Variants in TRPM6 observed in about 807,000 individuals in gnomAD.
The protein encoded by TRPM6 is transient receptor potential cation channel subfamily M member 6.
A neutral mutation model predicts 247.6 loss-of-function variants in TRPM6; 111 were observed. The ratio of observed to expected loss-of-function variants is 0.45; its 90% CI spans 0.38 to 0.52. The LOEUF (loss-of-function observed/expected upper bound fraction) is 0.52. Ranked by LOEUF, TRPM6 falls within the 20% of genes least tolerant of loss-of-function variation. TRPM6 has a pLI of 0.00. For missense variants in TRPM6, 2,126 were observed against 2,421.5 expected, an observed-to-expected ratio of 0.88 and a Z score of 2.56; for synonymous variants, 892 against 853.8, an observed-to-expected ratio of 1.04 and a Z score of -0.78.
At chr9:74,804,463 T>TA (rs1453587383) in intron 14 of TRPM6, 1 of 617,276 alleles carries the variant, frequency 1.6e-6, no homozygotes, top group East Asian at 2.9e-5. Flanking sequence ...TAAAATATGA[T>TA]AAAAACCATA....
chr9:74,852,727 G>A (rs958881697), intron 3 of TRPM6, among the ~76,000 whole-genome samples: 1 of 152,218 alleles, frequency 6.6e-6, no homozygotes, highest in Admixed American at 6.5e-5. Flanking sequence ...TCCTGACCGC[G>A]AGTGATCTGC....
chr9:74,724,359 T>A lies in TRPM6; in HGVS notation c.*254A>T. 1 of 539,642 alleles carries A rather than the reference T, an allele frequency of 1.9e-6. No homozygotes were observed. Among genetic ancestry groups the A allele is most frequent in the Middle Eastern group, 5.1e-4 (1 of 1,944 alleles). 33.4% of individuals were successfully genotyped at this position (539,642 alleles called of 1,614,324 possible). On this transcript the variant is annotated 3_prime_UTR_variant, in exon 39 of 39. Transcript: ENST00000360774. Reference sequence around the variant, plus strand: ...GCAATGAGGTACACAAGAACAATATTCCCAGCTGACTCATCCAAGCATCTT... The same window carrying A: ...GCAATGAGGTACACAAGAACAATATACCCAGCTGACTCATCCAAGCATCTT...
intron 31 of TRPM6, among the ~76,000 whole-genome samples, chr9:74,746,884 G>C (rs1826066713): frequency 6.6e-6 from 1 of 152,078 alleles, no homozygotes; most frequent in Non-Finnish European, 1.5e-5. Flanking sequence ...TAATAGCTAA[G>C]AGCAATGGGG....
intron 3 of TRPM6, among the ~76,000 whole-genome samples, chr9:74,853,911 A>G (rs1156970952): frequency 6.6e-6 from 1 of 152,256 alleles, no homozygotes; most frequent in African/African-American, 2.4e-5. Flanking sequence ...TTTGAAAAGT[A>G]AAAACAATTT....
intron 18 of TRPM6, among the ~76,000 whole-genome samples, chr9:74,795,218 AC>A (rs1828049332): frequency 6.6e-6 from 1 of 152,066 alleles, no homozygotes; most frequent in South Asian, 2.1e-4. Flanking sequence ...CTGGATGGCT[AC>A]CCTGGCCTAC....
At chr9:74,859,276 C>G (rs978538846) in intron 1 of TRPM6, among the ~76,000 whole-genome samples, 2 of 152,162 alleles carry the variant, frequency 1.3e-5, no homozygotes, top group African/African-American at 4.8e-5. Context: ...CAGCCTAGAA[C>G]TGTCCCTAAA....
rs1000946278 is a variant in TRPM6 at position 74,755,277 on chromosome 9, G to A, written c.4906+76C>T. The A allele has an allele frequency of 8.7e-6, 13 of 1,492,502 alleles. 1 individual carries two copies. In the South Asian group the frequency reaches 1.0e-4, roughly 12 times the overall value. The allele number at this position is 1,492,502 out of a possible 1,614,324, so 92.5% of individuals were successfully genotyped here. Reference sequence around the variant, plus strand: ...TCCATGTGAAAGAACAGGAGGAACCGCCAATGGTCTAAAGACCGTACCCTG... The same window carrying A: ...TCCATGTGAAAGAACAGGAGGAACCACCAATGGTCTAAAGACCGTACCCTG... On this transcript the variant is annotated intron_variant, in intron 28 of 38. Coordinates refer to ENST00000360774, the MANE Select transcript of TRPM6 (RefSeq NM_017662.5).
chr9:74,755,639 C>G (rs1826408187), intron 27 of TRPM6, among the ~76,000 whole-genome samples, 166 bp from the exon 28 acceptor site: 1 of 152,198 alleles, frequency 6.6e-6, no homozygotes. Context: ...TGGCAGGACA[C>G]AAGCATCCAT....
chr9:74,821,134 T>C (rs1829116498), intron 8 of TRPM6, among the ~76,000 whole-genome samples: 1 of 152,156 alleles, frequency 6.6e-6, no homozygotes, highest in Non-Finnish European at 1.5e-5. Context: ...ACAGTAGAAA[T>C]ATCATGCTTT....
Position 74,812,430 on chromosome 9 carries a change from C to G in TRPM6, c.1312G>C (p.Asp438His). The G allele has an allele frequency of 6.2e-7, 1 of 1,613,870 alleles. No individual in the cohort carries two copies. Among genetic ancestry groups the G allele is most frequent in the East Asian group, 2.2e-5 (1 of 44,860 alleles). ...ILIYEQHWKP[D>H]ALEQAMSDAL... ...TCTGACATTGCTTGTTCCAGGGCAT[C>G]AGGCTTCAGAAAGCACAAATAAGAA... The change falls in exon 12 of 39, where the codon GAT becomes CAT. Residue 438 changes from aspartate to histidine, a missense_variant. Transcript: ENST00000360774.
At chr9:74,741,405 A>G (rs1377454074) in intron 33 of TRPM6, among the ~76,000 whole-genome samples, 1 of 151,990 alleles carries the variant, frequency 6.6e-6, no homozygotes, top group Admixed American at 6.6e-5. Context: ...CTTGCATCTA[A>G]TTCCTCACCA....
At chr9:74,732,813 T>C in intron 36 of TRPM6, 77 bp from the exon 37 acceptor site, 2 of 1,107,448 alleles carry the variant, frequency 1.8e-6, no homozygotes, top group South Asian at 2.8e-5. Flanking sequence ...AATAATTAAA[T>C]TCTAATTTCT....
chr9:74,775,036 A>G lies in TRPM6; in HGVS notation c.3403+847T>C, dbSNP rs561657924. 3.3e-5 allele frequency among the ~76,000 whole-genome samples: 5 copies of G among 152,338 alleles called. No homozygotes were observed. In the East Asian group the frequency reaches 9.6e-4, roughly 29 times the overall value. On this transcript the variant is annotated intron_variant, in intron 24 of 38. Transcript: ENST00000360774. ...AAATGGGCCTGGTACCAATTGTGGA[A>G]CTGCTTGACAGGAACTACAGAATAA... is the stretch of plus-strand genomic sequence containing the variant.
chr9:74,846,697 T>A (rs1830120251), intron 3 of TRPM6, among the ~76,000 whole-genome samples: 1 of 151,904 alleles, frequency 6.6e-6, no homozygotes, highest in East Asian at 1.9e-4. Flanking sequence ...CAGGGGTGTG[T>A]CACCACGCCT....
intron 38 of TRPM6, among the ~76,000 whole-genome samples, chr9:74,727,610 T>A (rs75081119): frequency 0.038 from 5,816 of 152,114 alleles, 359 homozygotes; most frequent in African/African-American, 0.13. Flanking sequence ...ACATGATGCT[T>A]CCCTTCTGGG....
chr9:74,884,802 C>T (rs1291287287), intron 1 of TRPM6, among the ~76,000 whole-genome samples: 1 of 152,114 alleles, frequency 6.6e-6, no homozygotes, highest in Non-Finnish European at 1.5e-5. Context: ...CTTACATGTA[C>T]CTTTTCTTAG....
intron 28 of TRPM6, among the ~76,000 whole-genome samples, chr9:74,753,844 G>C (rs930632973): frequency 6.6e-6 from 1 of 152,062 alleles, no homozygotes; most frequent in Non-Finnish European, 1.5e-5. Context: ...GTTCAAGAAA[G>C]ACAGTGGGCC....
chr9:74,792,291 G>A (rs1564016733), intron 19 of TRPM6, among the ~76,000 whole-genome samples: 2 of 152,148 alleles, frequency 1.3e-5, no homozygotes, highest in Non-Finnish European at 2.9e-5. Flanking sequence ...TTCTTTCCGT[G>A]GAAACTTCTC....
Position 74,817,393 on chromosome 9 carries a change from T to C in TRPM6, c.1135-429A>G, listed in dbSNP as rs193164704. 5.9e-5 allele frequency among the ~76,000 whole-genome samples: 9 copies of C among 152,366 alleles called. No individual in the cohort carries two copies. In the East Asian group the frequency reaches 1.5e-3, roughly 26 times the overall value. ...TTTGTAGAGACAAGGTCTCACTATA[T>C]TGCCCAAGCTGGTCTTGAATTTCCT... On this transcript the variant is annotated intron_variant, in intron 9 of 38. Coordinates refer to ENST00000360774, the MANE Select transcript of TRPM6 (RefSeq NM_017662.5).
Sources: gnomAD v4.1 joint callset for allele counts (sites outside exome capture counted in the v4.1 genomes callset) on GRCh38, gnomAD v4.1.1 for gene constraint, MANE v1.5 for transcripts, NCBI Gene and HGNC (gene_info 2026-07-23, HGNC 2026-07-21) for gene names.